The following PHF21B variants were observed in gnomAD, a reference collection of about 807,000 sequenced individuals.
PHF21B encodes PHD finger protein 21B.
PHF21B carries 22 observed loss-of-function variants against 62.2 expected under a neutral mutation model. The observed-to-expected ratio is 0.35, with a 90% confidence interval of 0.25 to 0.51. The LOEUF is 0.51. Ranked by LOEUF, PHF21B falls within the 20% of genes least tolerant of loss-of-function variation. The pLI, the probability that PHF21B is intolerant of heterozygous loss-of-function variation, is 0.97. For missense variants in PHF21B, 701 were observed against 707.9 expected (o/e 0.99, Z 0.11); for synonymous variants, 341 against 314.7 (o/e 1.08, Z -0.88).
At chr22:44,992,847 G>A (rs898487109) in intron 2 of PHF21B, among the ~76,000 whole-genome samples, 2 of 152,140 alleles carry the variant, frequency 1.3e-5, no homozygotes, top group Non-Finnish European at 2.9e-5. Context: ...CGATCCTGTC[G>A]GCCTCATCCC....
In PHF21B at chr22:44,981,807, AC is replaced by A. The variant is rs80318842; in HGVS notation, c.120+26737del. ...TTCTGCTCAAGGACACGCTGGGATG[AC>A]TCTCAGAGTTCTGGAATGGAAACTG... is the stretch of plus-strand genomic sequence containing the variant. On this transcript the variant is annotated intron_variant, in intron 2 of 12. Transcript: ENST00000313237. 2.6e-5 allele frequency among the ~76,000 whole-genome samples: 4 copies of A among 152,190 alleles called. No homozygotes were observed. The East Asian group carries it at 7.7e-4, about 29-fold the overall frequency.
Position 44,883,155 on chromosome 22 carries a change from G to C in PHF21B, c.1527C>G (p.Ala509=), listed in dbSNP as rs773623920. The C allele has an allele frequency of 2.5e-6, 4 of 1,612,952 alleles. No individual in the cohort carries two copies. The highest frequency in any genetic ancestry group is 3.4e-6 in the Non-Finnish European group (4 of 1,179,964). ...CCACTGAGGGCTTGGTCCAGGGCCC[G>C]GCCAGCAGTGGGGCAGGGCTAGTGG... ...MTTTSPAPLL[A]GPWTKPSVAA... The change falls in exon 13 of 13, where the codon GCC becomes GCG. Residue 509 remains alanine, a synonymous_variant. Transcript: ENST00000313237.
At chr22:44,952,712 A>G (rs2024708) in intron 2 of PHF21B, among the ~76,000 whole-genome samples, 29,838 of 152,220 alleles carry the variant, frequency 0.2, 3,149 homozygotes, top group Middle Eastern at 0.32. Context: ...AAAAGAGAAG[A>G]GTATAAGAGT....
intron 2 of PHF21B, chr22:44,933,455 T>C (rs2071781831): frequency 6.1e-6 from 6 of 985,388 alleles, no homozygotes; most frequent in Non-Finnish European, 7.2e-6. Context: ...ACTCAGCAAG[T>C]GTTCACTGCA....
intron 2 of PHF21B, among the ~76,000 whole-genome samples, chr22:44,955,542 G>C (rs1411858080): frequency 6.6e-6 from 1 of 152,204 alleles, no homozygotes; most frequent in East Asian, 1.9e-4. Context: ...CCAATCCACT[G>C]AGGGCCCAGA....
intron 5 of PHF21B, among the ~76,000 whole-genome samples, chr22:44,901,137 G>C (rs575839098): frequency 6.6e-6 from 1 of 152,172 alleles, no homozygotes; most frequent in African/African-American, 2.4e-5. Flanking sequence ...CCAGCAGCTC[G>C]GCCAATCAGT....
chr22:45,006,727 A>AT (rs1351788351), intron 2 of PHF21B, among the ~76,000 whole-genome samples: 3 of 152,048 alleles, frequency 2.0e-5, no homozygotes, highest in Non-Finnish European at 4.4e-5. Flanking sequence ...AGGTTATTGG[A>AT]TTTTTTCTTC....
chr22:44,986,206 C>T (rs1011492634), intron 2 of PHF21B, among the ~76,000 whole-genome samples: 10 of 151,212 alleles, frequency 6.6e-5, no homozygotes, highest in African/African-American at 1.9e-4. Context: ...ACCGCCACTA[C>T]CATCACAATG....
intron 2 of PHF21B, among the ~76,000 whole-genome samples, chr22:44,957,595 T>G (rs2072327474): frequency 6.6e-6 from 1 of 152,218 alleles, no homozygotes; most frequent in Non-Finnish European, 1.5e-5. Context: ...CCCATTTGTT[T>G]GGCGTTCTGG....
At chr22:44,959,013 G>A (rs1246929440) in intron 2 of PHF21B, among the ~76,000 whole-genome samples, 4 of 151,970 alleles carry the variant, frequency 2.6e-5, no homozygotes, top group Non-Finnish European at 4.4e-5. Flanking sequence ...GGCCCCGCTG[G>A]AGCGCCTGTT....
chr22:44,997,453 G>GC (rs1569282789), intron 2 of PHF21B, among the ~76,000 whole-genome samples: 1 of 152,060 alleles, frequency 6.6e-6, no homozygotes, highest in Admixed American at 6.6e-5. Context: ...GACAAACAGA[G>GC]TTTTGCATTC....
chr22:44,883,770 C>T (rs112076784), intron 12 of PHF21B, among the ~76,000 whole-genome samples: 12 of 151,942 alleles, frequency 7.9e-5, no homozygotes, highest in African/African-American at 2.9e-4. Flanking sequence ...GTCCCATATC[C>T]ATCTGCTCTG....
At chr22:44,898,551 G>A (rs2071100116) in intron 5 of PHF21B, among the ~76,000 whole-genome samples, 1 of 151,764 alleles carries the variant, frequency 6.6e-6, no homozygotes. Flanking sequence ...ACTCAGGCAG[G>A]GCTTTTTTCA....
intron 2 of PHF21B, among the ~76,000 whole-genome samples, chr22:44,959,750 G>A (rs1056278492): frequency 2.0e-5 from 3 of 152,204 alleles, no homozygotes; most frequent in Non-Finnish European, 2.9e-5. Context: ...AAACAGTAAA[G>A]AGATGACCAC....
chr22:44,914,452 G>A (rs1380494891), intron 4 of PHF21B, among the ~76,000 whole-genome samples: 5 of 152,334 alleles, frequency 3.3e-5, no homozygotes, highest in East Asian at 1.9e-4. Flanking sequence ...CAGGGAGGCC[G>A]TGCACACTCA....
chr22:44,989,545 G>C (rs1395870961), intron 2 of PHF21B: 1 of 144,364 alleles, frequency 6.9e-6, no homozygotes, highest in Non-Finnish European at 1.5e-5. Context: ...AGAGAGAGAG[G>C]AAAAAAGAAA....
At chr22:44,936,659 T>C (rs886412135) in intron 2 of PHF21B, among the ~76,000 whole-genome samples, 2 of 152,224 alleles carry the variant, frequency 1.3e-5, no homozygotes, top group Non-Finnish European at 2.9e-5. Context: ...GCTGAAATAA[T>C]ATCTTGGACA....
At chr22:44,973,738 A>C in intron 2 of PHF21B, among the ~76,000 whole-genome samples, 1 of 151,968 alleles carries the variant, frequency 6.6e-6, no homozygotes. Flanking sequence ...CTGTATTCCC[A>C]GCTTTCTCAA....
chr22:44,971,857 G>A (rs111932052), intron 2 of PHF21B, among the ~76,000 whole-genome samples: 18 of 152,338 alleles, frequency 1.2e-4, no homozygotes, highest in African/African-American at 1.7e-4. Flanking sequence ...CATGTCTGTC[G>A]TTCCTTGCAT....
Sources: allele counts gnomAD v4.1 joint callset (sites outside exome capture counted in the v4.1 genomes callset), GRCh38; gene constraint gnomAD v4.1.1; transcripts MANE v1.5; gene names NCBI Gene and HGNC (gene_info 2026-07-23, HGNC 2026-07-21).